Variants in ANKFN1 observed in about 807,000 individuals in gnomAD.
The protein encoded by ANKFN1 is ankyrin repeat and fibronectin type-III domain-containing protein 1.
Under a neutral mutation model 108.7 loss-of-function variants are expected in ANKFN1, and 74 were observed. The observed-to-expected ratio is 0.68, with a 90% CI of 0.56 to 0.83. The LOEUF (loss-of-function observed/expected upper bound fraction) is 0.83, where lower values mean the gene tolerates loss of function less well. Ranked by LOEUF, ANKFN1 falls within the 40% of genes least tolerant of loss-of-function variation. ANKFN1 has a pLI of 0.00. For missense variants in ANKFN1, 1,505 were observed against 1,382.3 expected, an observed-to-expected ratio of 1.09 and a Z score of -1.41; for synonymous variants, 547 against 516.2, an observed-to-expected ratio of 1.06 and a Z score of -0.81.
intron 3 of ANKFN1, among the ~76,000 whole-genome samples, chr17:56,314,403 T>G (rs1274579057): frequency 6.6e-6 from 1 of 152,250 alleles, no homozygotes; most frequent in Non-Finnish European, 1.5e-5. Flanking sequence ...AAAGGCACTA[T>G]AGTTGCTCCA....
At chr17:56,466,722 T>C in intron 15 of ANKFN1, 151 bp downstream of exon 15, 1 of 669,552 alleles carries the variant, frequency 1.5e-6, no homozygotes, top group Non-Finnish European at 2.5e-6. Flanking sequence ...AGAAGCTTAT[T>C]TTTTATTTAT....
Position 56,258,304 on chromosome 17 carries a change from G to A in ANKFN1, c.53+30347G>A, listed in dbSNP as rs149064707. ...CGCCCTCTACTCTAGCTTAAAAATT[G>A]TATTTTAAAGACAGCACTAGGCTCT... On this transcript the variant is annotated intron_variant, in intron 3 of 20. Coordinates refer to ENST00000682825, the MANE Select transcript of ANKFN1 (RefSeq NM_001370326.1). 17 of 152,294 alleles carry A rather than the reference G, an allele frequency of 1.1e-4. 1 individual carries two copies. The East Asian group carries it at 3.1e-3, about 28-fold the overall frequency. The allele number at this position is 152,294 out of a possible 1,614,324, so 9.4% of individuals were successfully genotyped here.
At chr17:56,216,036 C>T (rs1915404314) in intron 2 of ANKFN1, among the ~76,000 whole-genome samples, 1 of 152,204 alleles carries the variant, frequency 6.6e-6, no homozygotes, top group Non-Finnish European at 1.5e-5. Flanking sequence ...GCCATTTACT[C>T]TCCTGTTAGA....
At chr17:56,243,615 T>C (rs190929349) in intron 3 of ANKFN1, among the ~76,000 whole-genome samples, 64 of 152,264 alleles carry the variant, frequency 4.2e-4, no homozygotes, top group Admixed American at 1.6e-3. Context: ...CTACAGTTGC[T>C]AAACTCCTAG....
At chr17:56,061,782 C>A (rs766812384) in intron 4 of ANKFN1, among the ~76,000 whole-genome samples, 2 of 151,922 alleles carry the variant, frequency 1.3e-5, no homozygotes, top group Non-Finnish European at 2.9e-5. Flanking sequence ...TCTTAGCTAG[C>A]TTTTGGATAG....
intron 1 of ANKFN1, among the ~76,000 whole-genome samples, chr17:56,197,367 G>A (rs977939957): frequency 3.9e-5 from 6 of 152,166 alleles, no homozygotes; most frequent in Non-Finnish European, 7.3e-5. Context: ...TATGCTAGGC[G>A]TGGAGTTTAA....
rs2046309847 is a variant in ANKFN1 at position 56,353,875 on chromosome 17, C to G, written c.430C>G (p.Gln144Glu). 6.2e-7 allele frequency: 1 copy of G among 1,613,912 alleles called. No homozygotes were observed. Among genetic ancestry groups the G allele is most frequent in the Admixed American group, 1.7e-5 (1 of 59,974 alleles). Residue 144 changes from glutamine (Q) to glutamate (E), a missense_variant, in exon 6 of 21, where the codon CAG (glutamine) becomes GAG (glutamate). Gln to Glu is a conservative substitution (Grantham distance 29, BLOSUM62 2). Transcript: ENST00000682825. Reference sequence around the variant, plus strand: ...TGAAGCCATGTTTGAGGCAGTCGAACAGCAGGACATGGATGCTGTGCAGAT... The same window carrying G: ...TGAAGCCATGTTTGAGGCAGTCGAAGAGCAGGACATGGATGCTGTGCAGAT... ...GNEAMFEAVE[Q>E]QDMDAVQILL... is the part of the protein sequence containing the mutation.
chr17:56,405,709 A>G lies in ANKFN1; in HGVS notation c.910+30995A>G, dbSNP rs1222603237. ...TCATACACATACATATAAAACAGCT[A>G]TAAAAAAGAATGTGGGATCTCATTT... On this transcript the variant is annotated intron_variant, in intron 8 of 20. Coordinates refer to ENST00000682825, the MANE Select transcript of ANKFN1 (RefSeq NM_001370326.1). Among the ~76,000 whole-genome samples, 6 of 152,202 alleles carry G rather than the reference A, an allele frequency of 3.9e-5. No individual in the cohort carries two copies. In the South Asian group the frequency reaches 8.3e-4, roughly 21 times the overall value.
chr17:56,266,212 T>C (rs2043646823), intron 3 of ANKFN1, among the ~76,000 whole-genome samples: 1 of 152,204 alleles, frequency 6.6e-6, no homozygotes, highest in Non-Finnish European at 1.5e-5. Flanking sequence ...AATTTCTTAT[T>C]TGGGGCCTCA....
chr17:56,355,151 C>T (rs1220469173), intron 6 of ANKFN1, among the ~76,000 whole-genome samples: 1 of 152,008 alleles, frequency 6.6e-6, no homozygotes, highest in African/African-American at 2.4e-5. Context: ...TATGGATACA[C>T]TAAATACCCT....
intron 3 of ANKFN1, among the ~76,000 whole-genome samples, chr17:56,315,955 T>C (rs2045195645): frequency 6.6e-6 from 1 of 152,198 alleles, no homozygotes; most frequent in South Asian, 2.1e-4. Context: ...CTCTTCAACT[T>C]TCTTTTTGTT....
chr17:56,047,358 A>AAGGGGGAGAACGAAGGAGCAC (rs1270684687), intron 4 of ANKFN1, among the ~76,000 whole-genome samples: 1 of 151,890 alleles, frequency 6.6e-6, no homozygotes, highest in Non-Finnish European at 1.5e-5. Context: ...GAGAGGGGGA[A>AAGGGGGAGAACGAAGGAGCAC]AGGGGGAGAA....
At chr17:56,086,472 G>A (rs1905315951) in intron 4 of ANKFN1, among the ~76,000 whole-genome samples, 1 of 151,340 alleles carries the variant, frequency 6.6e-6, no homozygotes, top group South Asian at 2.1e-4. Context: ...ACTGGGAAAA[G>A]GATTACTGTT....
At chr17:56,127,953 T>A (rs1175125076) in intron 4 of ANKFN1, among the ~76,000 whole-genome samples, 2 of 152,230 alleles carry the variant, frequency 1.3e-5, no homozygotes, top group African/African-American at 4.8e-5. Context: ...CTTCTGCACC[T>A]GCTATGTAAT....
intron 3 of ANKFN1, among the ~76,000 whole-genome samples, chr17:56,311,514 A>T (rs778920891): frequency 3.9e-5 from 6 of 152,044 alleles, no homozygotes; most frequent in Non-Finnish European, 8.8e-5. Flanking sequence ...AATGTATGTC[A>T]TTTTTTTTAC....
At chr17:56,050,545 A>T (rs1426420823) in intron 4 of ANKFN1, among the ~76,000 whole-genome samples, 2 of 148,114 alleles carry the variant, frequency 1.4e-5, no homozygotes, top group Non-Finnish European at 3.0e-5. Flanking sequence ...TTAAATCTTT[A>T]ATCCATCTTG....
chr17:56,442,744 A>G lies in ANKFN1; in HGVS notation c.1009-99A>G, dbSNP rs1462251267. 5 of 1,013,028 alleles carry G rather than the reference A, an allele frequency of 4.9e-6. No individual in the cohort carries two copies. The African/African-American group carries it at 6.5e-5, about 13-fold the overall frequency. 62.8% of individuals were successfully genotyped at this position (1,013,028 alleles called of 1,614,324 possible). ...GGGCAACAGAGTTCCAAAGAGATGA[A>G]GGAGTTAATCACACATAGTTATTAA... On this transcript the variant is annotated intron_variant, in intron 9 of 20. Transcript: ENST00000682825.
intron 15 of ANKFN1, among the ~76,000 whole-genome samples, chr17:56,476,776 T>C (rs1318855033): frequency 4.6e-5 from 7 of 152,244 alleles, no homozygotes; most frequent in African/African-American, 1.7e-4. Flanking sequence ...ATAAACATTA[T>C]CTTCTTCGTG....
In ANKFN1 at chr17:56,170,917, A is replaced by C. The variant is rs548105636; in HGVS notation, c.-71+17387A>C. 2.0e-5 allele frequency among the ~76,000 whole-genome samples: 3 copies of C among 150,570 alleles called. No individual in the cohort carries two copies. The East Asian group carries it at 5.9e-4, about 29-fold the overall frequency. Reference sequence around the variant, plus strand: ...TACTACCACCGCCATACACACATACATCCCTATTTTCTCAAGTTGATGTAA... The same window carrying C: ...TACTACCACCGCCATACACACATACCTCCCTATTTTCTCAAGTTGATGTAA... On this transcript the variant is annotated intron_variant, in intron 1 of 20. Coordinates refer to ENST00000682825, the MANE Select transcript of ANKFN1 (RefSeq NM_001370326.1).
Sources: gnomAD v4.1 joint callset for allele counts (sites outside exome capture counted in the v4.1 genomes callset) on GRCh38, gnomAD v4.1.1 for gene constraint, MANE v1.5 for transcripts, NCBI Gene and HGNC (gene_info 2026-07-23, HGNC 2026-07-21) for gene names.